Variants in IKZF2 observed in about 807,000 individuals in gnomAD.
IKZF2 encodes zinc finger protein Helios.
IKZF2 carries 15 observed loss-of-function variants against 49.2 expected under a neutral mutation model. That is an observed-to-expected ratio of 0.30 (90% CI 0.20 to 0.47). The LOEUF (loss-of-function observed/expected upper bound fraction) is 0.47. Ranked by LOEUF, IKZF2 falls within the 20% of genes least tolerant of loss-of-function variation. IKZF2 has a pLI of 1.00. For synonymous variants in IKZF2, 227 were observed against 221.4 expected (o/e 1.03, Z -0.23); for missense variants, 567 against 664.6 (o/e 0.85, Z 1.61).
intron 7 of IKZF2, among the ~76,000 whole-genome samples, chr2:213,016,379 T>C (rs560051367): frequency 3.3e-5 from 5 of 152,206 alleles, no homozygotes; most frequent in African/African-American, 1.2e-4. Context: ...CTACTCTTTG[T>C]AGAGGTATTT....
At chr2:213,023,084 T>C (rs1430013017) in intron 6 of IKZF2, among the ~76,000 whole-genome samples, 1 of 152,198 alleles carries the variant, frequency 6.6e-6, no homozygotes, top group African/African-American at 2.4e-5. Context: ...CCAGGTGGTC[T>C]GTGCCAAAGC....
chr2:213,051,443 T>A (rs932974397), intron 5 of IKZF2, among the ~76,000 whole-genome samples: 3 of 151,946 alleles, frequency 2.0e-5, no homozygotes, highest in Non-Finnish European at 4.4e-5. Flanking sequence ...ATTGATAATA[T>A]TGGATTGAAA....
intron 4 of IKZF2, among the ~76,000 whole-genome samples, chr2:213,093,511 C>T (rs543509214): frequency 5.3e-5 from 8 of 152,144 alleles, no homozygotes; most frequent in East Asian, 1.9e-4. Context: ...ACTAAGGACC[C>T]GATGTTCTTT....
intron 4 of IKZF2, among the ~76,000 whole-genome samples, chr2:213,076,470 T>C (rs1485449728): frequency 2.0e-5 from 3 of 152,214 alleles, no homozygotes; most frequent in Non-Finnish European, 4.4e-5. Context: ...GTTATACTGA[T>C]ATAACATCTA....
rs376381064 is a variant in IKZF2, at chr2:213,029,378, C to T, written c.575-7248G>A. Among the ~76,000 whole-genome samples the T allele has an allele frequency of 4.6e-5, 7 of 152,076 alleles. No homozygotes were observed. The East Asian group carries it at 7.7e-4, about 17-fold the overall frequency. ...GGGCTATTCAGAGTGTATATTTCTTCCTGAATGAGAGTCAATAATTTCTAT... is the reference window on the plus strand; with the variant it reads ...GGGCTATTCAGAGTGTATATTTCTTTCTGAATGAGAGTCAATAATTTCTAT... On this transcript the variant is annotated intron_variant, in intron 6 of 8. Coordinates refer to ENST00000434687, the MANE Select transcript of IKZF2 (RefSeq NM_001387220.1).
chr2:213,092,981 C>A (rs1705524840), intron 4 of IKZF2, among the ~76,000 whole-genome samples: 1 of 152,158 alleles, frequency 6.6e-6, no homozygotes, highest in South Asian at 2.1e-4. Context: ...AGTGCATTCT[C>A]AGGGAGTGGC....
At chr2:213,115,404 T>C (rs996142252) in intron 4 of IKZF2, among the ~76,000 whole-genome samples, 6 of 152,228 alleles carry the variant, frequency 3.9e-5, no homozygotes, top group Non-Finnish European at 5.9e-5. Flanking sequence ...TTTAACCACA[T>C]AGCGAATATT....
chr2:213,085,999 C>T (rs190893706), intron 4 of IKZF2, among the ~76,000 whole-genome samples: 7 of 152,126 alleles, frequency 4.6e-5, no homozygotes, highest in South Asian at 4.1e-4. Context: ...AGTGGTGAGA[C>T]GTGGGGTAAA....
At chr2:213,067,163 G>C (rs1702239238) in intron 4 of IKZF2, among the ~76,000 whole-genome samples, 1 of 152,010 alleles carries the variant, frequency 6.6e-6, no homozygotes, top group Non-Finnish European at 1.5e-5. Flanking sequence ...TGCCTCCTAG[G>C]GTTGTCCTGA....
rs370864596 is a variant in IKZF2 at position 213,070,440 on chromosome 2, AG to A, written c.140-13342del. On this transcript the variant is annotated intron_variant, in intron 4 of 8. Transcript: ENST00000434687. ...GTTACTACTTACATCTAATATATAAAGAGTGTGGACTTGGGAAGTCACTGGA... is the reference window on the plus strand; with the variant it reads ...GTTACTACTTACATCTAATATATAAAAGTGTGGACTTGGGAAGTCACTGGA... Among the ~76,000 whole-genome samples, 48 of 152,232 alleles carry A rather than the reference AG, an allele frequency of 3.2e-4. 1 individual carries two copies. Among genetic ancestry groups the A allele is most frequent in the African/African-American group, 1.1e-3 (47 of 41,550 alleles).
In IKZF2 at chr2:213,041,434, CTGGGACTACAGGCG is replaced by C. The variant is rs1420628183; in HGVS notation, c.574+8265_574+8278del. ...CCTCCTGCCTCAGCCTCCCGAGTAG[CTGGGACTACAGGCG>C]TGTGCTATCACGCCCAGATAATTTT... On this transcript the variant is annotated intron_variant, in intron 6 of 8. Transcript: ENST00000434687. Among the ~76,000 whole-genome samples the C allele has an allele frequency of 1.8e-4, 28 of 152,118 alleles. 1 individual carries two copies. Among genetic ancestry groups the C allele is most frequent in the African/African-American group, 6.0e-4 (25 of 41,504 alleles).
intron 4 of IKZF2, among the ~76,000 whole-genome samples, chr2:213,092,350 G>A (rs1387816195): frequency 1.3e-5 from 2 of 152,040 alleles, no homozygotes; most frequent in Non-Finnish European, 2.9e-5. Flanking sequence ...TTTATAAACT[G>A]TAACCATAAT....
chr2:213,040,403 T>G (rs1265371429), intron 6 of IKZF2, among the ~76,000 whole-genome samples: 2 of 152,128 alleles, frequency 1.3e-5, no homozygotes, highest in African/African-American at 4.8e-5. Context: ...TTACTCATCA[T>G]TTTTCTCTTT....
chr2:213,004,864 A>G lies in IKZF2; in HGVS notation c.*2496T>C, dbSNP rs528079363. 7 of 152,508 alleles carry G rather than the reference A, an allele frequency of 4.6e-5. No homozygotes were observed. Among genetic ancestry groups the G allele is most frequent in the South Asian group, 2.1e-4 (1 of 4,830 alleles). The allele number at this position is 152,508 out of a possible 1,614,324, so 9.4% of individuals were successfully genotyped here. The stretch of plus-strand genomic sequence containing the variant: ...CACTCTCAACTACTAACTACCTTCA[A>G]TAAAACAGATTCCCAAAAAGATGAA... On this transcript the variant is annotated 3_prime_UTR_variant, in exon 9 of 9. Transcript: ENST00000434687.
intron 4 of IKZF2, among the ~76,000 whole-genome samples, chr2:213,119,323 C>G (rs1369177587): frequency 9.2e-5 from 14 of 152,102 alleles, no homozygotes; most frequent in Non-Finnish European, 1.5e-5. Flanking sequence ...TGGCATGCCC[C>G]CTTCCTGCAT....
At chr2:213,096,443 A>AT (rs148328570) in intron 4 of IKZF2, among the ~76,000 whole-genome samples, 3,369 of 152,052 alleles carry the variant, frequency 0.022, 133 homozygotes, top group African/African-American at 0.077. Context: ...AAAATTTGAG[A>AT]TTTTATCTAT....
At chr2:213,047,081 G>A (rs928877783) in intron 6 of IKZF2, among the ~76,000 whole-genome samples, 2 of 152,036 alleles carry the variant, frequency 1.3e-5, no homozygotes, top group African/African-American at 4.8e-5. Context: ...ACATGGAAGA[G>A]GCAGAAATAT....
At chr2:213,082,933 T>C (rs1431214082) in intron 4 of IKZF2, among the ~76,000 whole-genome samples, 1 of 152,216 alleles carries the variant, frequency 6.6e-6, no homozygotes, top group East Asian at 1.9e-4. Context: ...AATGTTGCTT[T>C]GGTTTGCAGG....
At chr2:213,058,693 C>G (rs1016222987) in intron 4 of IKZF2, among the ~76,000 whole-genome samples, 1 of 151,826 alleles carries the variant, frequency 6.6e-6, no homozygotes, top group Non-Finnish European at 1.5e-5. Context: ...ATATTGCCAG[C>G]ATGCTCAAGA....
Sources: allele counts gnomAD v4.1 joint callset (sites outside exome capture counted in the v4.1 genomes callset), GRCh38; gene constraint gnomAD v4.1.1; transcripts MANE v1.5; gene names NCBI Gene and HGNC (gene_info 2026-07-23, HGNC 2026-07-21).